The following KSR2 variants were observed in gnomAD, a reference collection of about 807,000 sequenced individuals.
The protein encoded by KSR2 is kinase suppressor of ras 2.
KSR2 carries 25 observed loss-of-function variants against 107.8 expected under a neutral mutation model. That is an observed-to-expected ratio of 0.23 (90% CI 0.17 to 0.32). The LOEUF (loss-of-function observed/expected upper bound fraction) is 0.32, where lower values mean the gene tolerates loss of function less well. Ranked by LOEUF, KSR2 falls within the 10% of genes least tolerant of loss-of-function variation. The probability of loss-of-function intolerance (pLI) is 1.00; values close to 1 mark genes in which losing one functional copy is unlikely to be tolerated. For synonymous variants in KSR2, 480 were observed against 507.0 expected (o/e 0.95, Z 0.71); for missense variants, 887 against 1,268.9 (o/e 0.70, Z 4.57).
At position 117,453,794 on chromosome 12, in the gene KSR2, T is replaced by C. The variant is rs1388226891; in HGVS notation, c.*13405A>G. 2 of 152,178 alleles carry C rather than the reference T, an allele frequency of 1.3e-5. No homozygotes were observed. Among genetic ancestry groups the C allele is most frequent in the African/African-American group, 4.8e-5 (2 of 41,448 alleles). 9.4% of individuals were successfully genotyped at this position (152,178 alleles called of 1,614,324 possible). A position where few individuals can be genotyped will look rare whatever the true frequency, so the allele number is the denominator to read the frequency against. On this transcript the variant is annotated 3_prime_UTR_variant, in exon 20 of 20. Coordinates refer to ENST00000339824, the MANE Select transcript of KSR2 (RefSeq NM_173598.6). ...GGATCTTCTCTGCCTGGTCCAGGTA[T>C]GGTCAAGGGCACAGATGTAATGTGA...
At chr12:117,652,337 A>G (rs572563191) in intron 5 of KSR2, among the ~76,000 whole-genome samples, 1 of 152,354 alleles carries the variant, frequency 6.6e-6, no homozygotes, top group Non-Finnish European at 1.5e-5. Flanking sequence ...AATTTAAAAA[A>G]GAATACTCTG....
In KSR2 at chr12:117,579,623, G is replaced by A. The variant is rs143310158; in HGVS notation, c.1242-421C>T. Reference sequence around the variant, plus strand: ...GCAATGGATAGGGCTGGAACTGCCTGTAGAAAGCTACAAAGCAAGGTGGAG... The same window carrying A: ...GCAATGGATAGGGCTGGAACTGCCTATAGAAAGCTACAAAGCAAGGTGGAG... On this transcript the variant is annotated intron_variant, in intron 6 of 19. Coordinates refer to ENST00000339824, the MANE Select transcript of KSR2 (RefSeq NM_173598.6). Among the ~76,000 whole-genome samples the A allele has an allele frequency of 2.3e-3, 354 of 152,318 alleles. 2 individuals carry two copies. Among genetic ancestry groups the A allele is most frequent in the East Asian group, 1.2e-3 (6 of 5,180 alleles).
intron 1 of KSR2, among the ~76,000 whole-genome samples, chr12:117,944,175 G>C (rs1261603976): frequency 6.6e-6 from 1 of 152,040 alleles, no homozygotes; most frequent in Non-Finnish European, 1.5e-5. Flanking sequence ...TCGGGAGTTT[G>C]AGACCAGCCT....
intron 17 of KSR2, among the ~76,000 whole-genome samples, chr12:117,475,973 G>A (rs972227804): frequency 6.6e-6 from 1 of 152,190 alleles, no homozygotes; most frequent in African/African-American, 2.4e-5. Context: ...CCAGCCTGCT[G>A]AGCCTTCAGA....
chr12:117,862,892 G>C (rs1893357123), intron 1 of KSR2, among the ~76,000 whole-genome samples: 1 of 151,984 alleles, frequency 6.6e-6, no homozygotes, highest in African/African-American at 2.4e-5. Context: ...ACCACGCCTG[G>C]CTAATTTTCT....
chr12:117,940,496 T>C (rs578204102), intron 1 of KSR2, among the ~76,000 whole-genome samples: 2 of 152,352 alleles, frequency 1.3e-5, no homozygotes, highest in South Asian at 2.1e-4. Flanking sequence ...TATTTTCATC[T>C]GTATTTGAAA....
At chr12:117,753,365 A>G (rs1888674399) in intron 4 of KSR2, among the ~76,000 whole-genome samples, 1 of 152,174 alleles carries the variant, frequency 6.6e-6, no homozygotes, top group Non-Finnish European at 1.5e-5. Context: ...TCTTTCCCCA[A>G]TAACCAATCT....
At chr12:117,957,981 G>GC (rs1896563494) in intron 1 of KSR2, among the ~76,000 whole-genome samples, 1 of 152,040 alleles carries the variant, frequency 6.6e-6, no homozygotes, top group Non-Finnish European at 1.5e-5. Context: ...ACAGGCATGT[G>GC]CCCCCACACC....
chr12:117,506,175 A>C (rs1464558753), intron 14 of KSR2, among the ~76,000 whole-genome samples: 1 of 152,232 alleles, frequency 6.6e-6, no homozygotes, highest in Admixed American at 6.5e-5. Context: ...ACTAAGAAAG[A>C]ATCTTCAAAG....
chr12:117,726,178 TA>T, intron 4 of KSR2, among the ~76,000 whole-genome samples: 1 of 151,746 alleles, frequency 6.6e-6, no homozygotes, highest in Non-Finnish European at 1.5e-5. Flanking sequence ...AAAAAAAACA[TA>T]AAATAAAATA....
intron 14 of KSR2, among the ~76,000 whole-genome samples, chr12:117,524,613 G>A (rs1206866581): frequency 6.6e-6 from 1 of 152,166 alleles, no homozygotes; most frequent in Non-Finnish European, 1.5e-5. Context: ...GCTGCTGTGA[G>A]CTATGATCAT....
At chr12:117,699,727 C>G (rs752934563) in intron 4 of KSR2, among the ~76,000 whole-genome samples, 2 of 152,040 alleles carry the variant, frequency 1.3e-5, no homozygotes, top group Non-Finnish European at 2.9e-5. Flanking sequence ...ATGTGAAGGC[C>G]TAGGACATGA....
intron 5 of KSR2, among the ~76,000 whole-genome samples, chr12:117,594,951 A>C (rs923566197): frequency 6.8e-6 from 1 of 147,494 alleles, no homozygotes; most frequent in African/African-American, 2.5e-5. Flanking sequence ...AAATGTCAAC[A>C]GTGCCTAACT....
At chr12:117,786,062 G>A (rs916156269) in intron 3 of KSR2, among the ~76,000 whole-genome samples, 1 of 151,844 alleles carries the variant, frequency 6.6e-6, no homozygotes, top group Non-Finnish European at 1.5e-5. Context: ...CTTGAAAGCG[G>A]CCATTAAAAA....
chr12:117,671,528 C>T (rs1884906385), intron 4 of KSR2, among the ~76,000 whole-genome samples: 1 of 152,222 alleles, frequency 6.6e-6, no homozygotes, highest in African/African-American at 2.4e-5. Flanking sequence ...TCATTAAATG[C>T]TTACCAAATG....
At chr12:117,597,570 G>A (rs1437680018) in intron 5 of KSR2, among the ~76,000 whole-genome samples, 7 of 152,184 alleles carry the variant, frequency 4.6e-5, no homozygotes, top group Non-Finnish European at 8.8e-5. Flanking sequence ...CATTCTTCCG[G>A]AGAGCCTCTA....
chr12:117,808,086 C>A (rs911813633), intron 3 of KSR2, among the ~76,000 whole-genome samples: 3 of 152,206 alleles, frequency 2.0e-5, no homozygotes, highest in African/African-American at 7.2e-5. Flanking sequence ...AGCCACATTG[C>A]ATGTTCCTTG....
intron 3 of KSR2, among the ~76,000 whole-genome samples, chr12:117,777,088 T>TTTTATATATATA (rs1396346422): frequency 2.3e-5 from 3 of 132,548 alleles, no homozygotes; most frequent in African/African-American, 9.3e-5. Context: ...TATATATATT[T>TTTTATATATATA]TATATATATA....
At chr12:117,580,107 G>A (rs816195) in intron 6 of KSR2, among the ~76,000 whole-genome samples, 138,610 of 152,220 alleles carry the variant, frequency 0.91, 63,301 homozygotes, top group East Asian at 0.99. Context: ...ATCGGAAGTG[G>A]TTATGTAACT....
Sources: allele counts gnomAD v4.1 joint callset (sites outside exome capture counted in the v4.1 genomes callset), GRCh38; gene constraint gnomAD v4.1.1; transcripts MANE v1.5; gene names NCBI Gene and HGNC (gene_info 2026-07-23, HGNC 2026-07-21).